The following VLDLR variants were observed in gnomAD, a reference collection of about 807,000 sequenced individuals.
The protein encoded by VLDLR is very low-density lipoprotein receptor.
In VLDLR, 81 loss-of-function variants were observed where a neutral mutation model predicts 112.7. That is an observed-to-expected ratio of 0.72 (90% CI 0.60 to 0.86). The LOEUF (loss-of-function observed/expected upper bound fraction) is 0.86. Ranked by LOEUF, VLDLR falls within the 40% of genes least tolerant of loss-of-function variation. The pLI is 0.00. For synonymous variants in VLDLR, 436 were observed against 384.8 expected (o/e 1.13, Z -1.56); for missense variants, 1,237 against 1,099.4 (o/e 1.13, Z -1.77).
intron 14 of VLDLR, among the ~76,000 whole-genome samples, chr9:2,649,611 C>T (rs1015110189): frequency 6.6e-6 from 1 of 152,104 alleles, no homozygotes; most frequent in Non-Finnish European, 1.5e-5. Flanking sequence ...AGACTGGTCT[C>T]GAACTCCTGA....
chr9:2,647,014 C>G lies in VLDLR; in HGVS notation c.1704-460C>G, dbSNP rs1017105559. 3.7e-4 allele frequency among the ~76,000 whole-genome samples: 56 copies of G among 152,264 alleles called. 1 individual carries two copies. Among genetic ancestry groups the G allele is most frequent in the African/African-American group, 1.3e-3 (56 of 41,556 alleles). On this transcript the variant is annotated intron_variant, in intron 11 of 18. Transcript: ENST00000382100. ...GTCCAGCAGAAATAAACAGACCTTTCTAGAAACATTTCACTAAGGGGGTTC... is the reference window on the plus strand; with the variant it reads ...GTCCAGCAGAAATAAACAGACCTTTGTAGAAACATTTCACTAAGGGGGTTC...
intron 1 of VLDLR, among the ~76,000 whole-genome samples, chr9:2,625,212 C>A (rs377127059): frequency 2.0e-5 from 3 of 152,242 alleles, no homozygotes; most frequent in East Asian, 3.9e-4. Flanking sequence ...TTGTTACAAG[C>A]CCCTTCTGCT....
chr9:2,622,093 C>T lies in VLDLR; in HGVS notation c.-97C>T. 5.6e-6 allele frequency: 7 copies of T among 1,259,408 alleles called. No individual in the cohort carries two copies. Among genetic ancestry groups the T allele is most frequent in the Non-Finnish European group, 5.3e-6 (5 of 939,556 alleles). 78.0% of individuals were successfully genotyped at this position (1,259,408 alleles called of 1,614,324 possible). On this transcript the variant is annotated 5_prime_UTR_variant, in exon 1 of 19. Coordinates refer to ENST00000382100, the MANE Select transcript of VLDLR (RefSeq NM_003383.5). ...TCCTTCTCCCCCTTTCCCCTCCCCG[C>T]CCCCACCTTCTTCCTCCTTTCGGAA... is the stretch of plus-strand genomic sequence containing the variant.
rs889214257 is a variant in VLDLR, at chr9:2,659,934, T to C, written c.*6066T>C. 1 of 152,182 alleles carries C rather than the reference T, an allele frequency of 6.6e-6. No individual in the cohort carries two copies. The highest frequency in any genetic ancestry group is 2.4e-5 in the African/African-American group (1 of 41,452). 9.4% of individuals were successfully genotyped at this position (152,182 alleles called of 1,614,324 possible). A position where few individuals can be genotyped will look rare whatever the true frequency, so the allele number is the denominator to read the frequency against. On this transcript the variant is annotated 3_prime_UTR_variant, in exon 19 of 19. Coordinates refer to ENST00000382100, the MANE Select transcript of VLDLR (RefSeq NM_003383.5). ...GAGTCCGGCATATACAACCAAATTA[T>C]CATGCTCAGGATCTTCAGAATTCTA...
intron 16 of VLDLR, 67 bp from the exon 17 acceptor site, chr9:2,651,806 AC>A: frequency 6.3e-7 from 1 of 1,581,928 alleles, no homozygotes; most frequent in East Asian, 2.2e-5. Flanking sequence ...TTGGCTCCTT[AC>A]CTGATGGGTA....
In VLDLR at chr9:2,645,050, T is replaced by C; in HGVS notation, c.1280T>C (p.Met427Thr). ...YKCECSRGYQ[M>T]DLATGVCKAV... ...TGTGAATGTAGTCGTGGCTATCAAA[T>C]GGATCTTGCTACTGGCGTGTGCAAG... The change falls in exon 9 of 19, where the codon ATG (methionine) becomes ACG (threonine). Residue 427 changes from methionine (M) to threonine (T), a missense_variant. Physicochemically the swap from Met to Thr is moderately conservative, Grantham distance 81. Coordinates refer to ENST00000382100, the MANE Select transcript of VLDLR (RefSeq NM_003383.5). 1 of 1,614,218 alleles carries C rather than the reference T, an allele frequency of 6.2e-7. No individual in the cohort carries two copies. Among genetic ancestry groups the C allele is most frequent in the Non-Finnish European group, 8.5e-7 (1 of 1,180,032 alleles).
chr9:2,643,569 C>T (rs1481790867), intron 5 of VLDLR, 38 bp downstream of exon 5: 5 of 1,614,074 alleles, frequency 3.1e-6, no homozygotes, highest in Non-Finnish European at 4.2e-6. Flanking sequence ...CAGTTCTCTT[C>T]CCTGTATCAA....
chr9:2,652,404 G>A (rs187675831), intron 17 of VLDLR, among the ~76,000 whole-genome samples: 12 of 152,276 alleles, frequency 7.9e-5, no homozygotes, highest in Admixed American at 4.6e-4. Flanking sequence ...AACGAGACAC[G>A]CAAATTCTAA....
Position 2,621,793 on chromosome 9 carries a change from C to T in VLDLR, c.-397C>T. The T allele has an allele frequency of 4.2e-6, 2 of 480,616 alleles. No homozygotes were observed. Among genetic ancestry groups the T allele is most frequent in the African/African-American group, 2.0e-5 (1 of 48,784 alleles). The allele number at this position is 480,616 out of a possible 1,614,324, so 29.8% of individuals were successfully genotyped here. A position where few individuals can be genotyped will look rare whatever the true frequency, so the allele number is the denominator to read the frequency against. On this transcript the variant is annotated 5_prime_UTR_variant, in exon 1 of 19. Coordinates refer to ENST00000382100, the MANE Select transcript of VLDLR (RefSeq NM_003383.5). ...GGCCCCCTCCCCGCTGCTCACCCCG[C>T]TCTCCGGCCGCCGCCGGTGCGGGTG...
Position 2,643,830 on chromosome 9 carries a change from T to C in VLDLR, c.944-7T>C. ...ATGGAATCTCTCTTCTTTGTTTCTC[T>C]TTGTAGTCAATCAGTGCTTGGGCCC... On this transcript the variant is annotated splice_region_variant and splice_polypyrimidine_tract_variant and intron_variant, in intron 6 of 18. Coordinates refer to ENST00000382100, the MANE Select transcript of VLDLR (RefSeq NM_003383.5). 1.9e-6 allele frequency: 3 copies of C among 1,614,234 alleles called. No individual in the cohort carries two copies. Among genetic ancestry groups the C allele is most frequent in the Non-Finnish European group, 2.5e-6 (3 of 1,180,052 alleles).
chr9:2,631,379 C>G (rs142284294), intron 1 of VLDLR, among the ~76,000 whole-genome samples: 40 of 152,256 alleles, frequency 2.6e-4, no homozygotes, highest in African/African-American at 9.6e-4. Context: ...TATTGCAGCA[C>G]TATTCACAGT....
intron 7 of VLDLR, 108 bp from the exon 8 acceptor site, chr9:2,644,626 G>C: frequency 6.9e-7 from 1 of 1,449,660 alleles, no homozygotes; most frequent in East Asian, 2.3e-5. Flanking sequence ...ACAAATCGTG[G>C]GTTTGACCAG....
Position 2,650,394 on chromosome 9 carries a change from T to C in VLDLR, c.2129T>C (p.Met710Thr). The C allele has an allele frequency of 1.9e-6, 3 of 1,614,086 alleles. No homozygotes were observed. Among genetic ancestry groups the C allele is most frequent in the Non-Finnish European group, 2.5e-6 (3 of 1,180,012 alleles). ...PSGKNWCEED[M>T]ENGGCEYLCL... is the part of the protein sequence containing the mutation. ...GGTAAAAATTGGTGTGAAGAAGACA[T>C]GGAGAATGGAGGATGTGAATACCTA... Residue 710 changes from methionine (M) to threonine (T), a missense_variant, in exon 15 of 19, where the codon ATG becomes ACG. By Grantham distance (81) the Met-to-Thr change is moderately conservative. Coordinates refer to ENST00000382100, the MANE Select transcript of VLDLR (RefSeq NM_003383.5).
In VLDLR at chr9:2,635,452, G is replaced by A. The variant is rs770269674; in HGVS notation, c.83-1G>A. Reference sequence around the variant, plus strand: ...TACCGAATGTTCCCTTCTTATTCTAGGGAGAAAAGCCAAATGTGAACCCTC... The same window carrying A: ...TACCGAATGTTCCCTTCTTATTCTAAGGAGAAAAGCCAAATGTGAACCCTC... On this transcript the variant is annotated splice_acceptor_variant, in intron 1 of 18. Transcript: ENST00000382100. LOFTEE classifies it high-confidence loss of function. 6.2e-7 allele frequency: 1 copy of A among 1,613,914 alleles called. No individual in the cohort carries two copies. Among genetic ancestry groups the A allele is most frequent in the Non-Finnish European group, 8.5e-7 (1 of 1,179,902 alleles).
Position 2,650,376 on chromosome 9 carries a change from A to C in VLDLR, c.2111A>C (p.Asn704Thr), listed in dbSNP as rs1356447095. The C allele has an allele frequency of 6.2e-7, 1 of 1,614,118 alleles. No individual in the cohort carries two copies. The change falls in exon 15 of 19, where the codon AAT (asparagine) becomes ACT (threonine). Residue 704 changes from asparagine to threonine, a missense_variant. Asn to Thr is a moderately conservative substitution (Grantham distance 65). Coordinates refer to ENST00000382100, the MANE Select transcript of VLDLR (RefSeq NM_003383.5). Reference protein sequence around the residue: ...YHELVQPSGKNWCEEDMENGG... With the variant: ...YHELVQPSGKTWCEEDMENGG... ...TATTTTTTTTCCTGACTAGGTAAAA[A>C]TTGGTGTGAAGAAGACATGGAGAAT...
chr9:2,651,481 G>C lies in VLDLR; in HGVS notation c.2318G>C (p.Ser773Thr). The C allele has an allele frequency of 6.8e-6, 11 of 1,613,928 alleles. No homozygotes were observed. The highest frequency in any genetic ancestry group is 9.3e-6 in the Non-Finnish European group (11 of 1,179,918). Residue 773 changes from serine (S) to threonine (T), a missense_variant, in exon 16 of 19, where the codon AGT becomes ACT. Ser to Thr is a moderately conservative substitution (Grantham distance 58). Coordinates refer to ENST00000382100, the MANE Select transcript of VLDLR (RefSeq NM_003383.5). ...DTNTTEISAT[S>T]GLVPGGINVT... ...AACACAACAGAAATTTCAGCAACTA[G>C]TGGACTAGTTCCTGGAGGTATTGAG...
chr9:2,627,748 C>T (rs954552240), intron 1 of VLDLR, among the ~76,000 whole-genome samples: 1 of 151,730 alleles, frequency 6.6e-6, no homozygotes, highest in Non-Finnish European at 1.5e-5. Flanking sequence ...GCCTGTAATC[C>T]CAGCTACTCA....
In VLDLR at chr9:2,659,469, G is replaced by A. The variant is rs1818725125; in HGVS notation, c.*5601G>A. On this transcript the variant is annotated 3_prime_UTR_variant, in exon 19 of 19. Transcript: ENST00000382100. ...TACGTGTTATACCTTCAAGACGCTAGACATTCCAGAATTATTTTCCTTGGC... is the reference window on the plus strand; with the variant it reads ...TACGTGTTATACCTTCAAGACGCTAAACATTCCAGAATTATTTTCCTTGGC... 6.6e-6 allele frequency: 1 copy of A among 152,230 alleles called. No individual in the cohort carries two copies. Among genetic ancestry groups the A allele is most frequent in the Admixed American group, 6.5e-5 (1 of 15,286 alleles). The allele number at this position is 152,230 out of a possible 1,614,324, so 9.4% of individuals were successfully genotyped here.
chr9:2,657,599 CTG>C lies in VLDLR; in HGVS notation c.*3733_*3734del, dbSNP rs1473403652. 6.6e-6 allele frequency: 1 copy of C among 152,162 alleles called. No homozygotes were observed. The highest frequency in any genetic ancestry group is 2.4e-5 in the African/African-American group (1 of 41,430). 9.4% of individuals were successfully genotyped at this position (152,162 alleles called of 1,614,324 possible). A position where few individuals can be genotyped will look rare whatever the true frequency, so the allele number is the denominator to read the frequency against. On this transcript the variant is annotated 3_prime_UTR_variant, in exon 19 of 19. Transcript: ENST00000382100. ...CTGGGTATTACATATTCTGCAAGCC[CTG>C]TTAGTGGGGAGATGGTAGTGGCAAT...
Sources: allele counts gnomAD v4.1 joint callset (sites outside exome capture counted in the v4.1 genomes callset), GRCh38; gene constraint gnomAD v4.1.1; transcripts MANE v1.5; gene names NCBI Gene and HGNC (gene_info 2026-07-23, HGNC 2026-07-21).